The following RBMS1 variants were observed in gnomAD, a reference collection of about 807,000 sequenced individuals.
The protein encoded by RBMS1 is RNA binding motif single stranded interacting protein 1.
A neutral mutation model predicts 62.3 loss-of-function variants in RBMS1; 17 were observed. That is an observed-to-expected ratio of 0.27 (90% CI 0.19 to 0.41). The LOEUF is 0.41. Among genes scored for constraint, RBMS1 ranks in the 10% least tolerant of loss-of-function variants. RBMS1 has a pLI of 1.00. For synonymous variants in RBMS1, 172 were observed against 170.0 expected (o/e 1.01, Z -0.09); for missense variants, 334 against 504.5 (o/e 0.66, Z 3.24).
At chr2:160,493,204 C>T in intron 1 of RBMS1, 85 bp downstream of exon 1, 3 of 1,324,312 alleles carry the variant, frequency 2.3e-6, no homozygotes, top group Admixed American at 2.0e-5. Context: ...GGGGGTTCGC[C>T]GCGCGCCCCC....
rs553396662 is a variant in RBMS1, at chr2:160,308,807, T to C, written c.402+4349A>G. Among the ~76,000 whole-genome samples the C allele has an allele frequency of 3.9e-5, 6 of 152,328 alleles. No homozygotes were observed. The South Asian group carries it at 1.2e-3, about 32-fold the overall frequency. ...CATTTTCAACCTGGGGGAAAGCTAG[T>C]ATTTGAAGAGCGCTGTAGACACGAC... is the stretch of plus-strand genomic sequence containing the variant. On this transcript the variant is annotated intron_variant, in intron 4 of 13. Coordinates refer to ENST00000348849, the MANE Select transcript of RBMS1 (RefSeq NM_016836.4).
In RBMS1 at chr2:160,274,562, G is replaced by T. The variant is rs1687732555; in HGVS notation, c.*210C>A. On this transcript the variant is annotated 3_prime_UTR_variant, in exon 14 of 14. Coordinates refer to ENST00000348849, the MANE Select transcript of RBMS1 (RefSeq NM_016836.4). ...TTTACTAAAATAAACCTGTTCGGGG[G>T]AACAGCTACTAGATGAATTTAAGGG... is the stretch of plus-strand genomic sequence containing the variant. 6.8e-6 allele frequency: 1 copy of T among 147,858 alleles called. No individual in the cohort carries two copies. Among genetic ancestry groups the T allele is most frequent in the Admixed American group, 6.8e-5 (1 of 14,632 alleles). 9.2% of individuals were successfully genotyped at this position (147,858 alleles called of 1,614,324 possible). A position where few individuals can be genotyped will look rare whatever the true frequency, so the allele number is the denominator to read the frequency against.
At chr2:160,378,661 T>G (rs1314278240) in intron 1 of RBMS1, among the ~76,000 whole-genome samples, 1 of 150,012 alleles carries the variant, frequency 6.7e-6, no homozygotes, top group Non-Finnish European at 1.5e-5. Context: ...GTCATAAGAG[T>G]ACACTCAGAG....
chr2:160,407,570 G>A (rs13002343), intron 1 of RBMS1: 4 of 984,208 alleles, frequency 4.1e-6, no homozygotes, highest in Non-Finnish European at 4.8e-6. Flanking sequence ...GCGCGGGCGC[G>A]GGCGCGGGGC....
At position 160,350,446 on chromosome 2, in the gene RBMS1, T is replaced by G. The variant is rs566918915; in HGVS notation, c.251+16770A>C. 2.0e-5 allele frequency among the ~76,000 whole-genome samples: 3 copies of G among 152,028 alleles called. No homozygotes were observed. The East Asian group carries it at 5.8e-4, about 30-fold the overall frequency. ...CTGTGTAATAACAATGAGGTACAAA[T>G]GAACAGCCCTGTAAAGAAATAAAAG... On this transcript the variant is annotated intron_variant, in intron 2 of 13. Transcript: ENST00000348849.
At chr2:160,301,948 C>G (rs1330468221) in intron 5 of RBMS1, among the ~76,000 whole-genome samples, 1 of 152,144 alleles carries the variant, frequency 6.6e-6, no homozygotes, top group Non-Finnish European at 1.5e-5. Context: ...AAAGTCATTA[C>G]TTTAAAATAT....
chr2:160,373,558 C>A (rs997184729), intron 1 of RBMS1, among the ~76,000 whole-genome samples: 1 of 152,184 alleles, frequency 6.6e-6, no homozygotes, highest in Non-Finnish European at 1.5e-5. Context: ...ACTGAGAACT[C>A]TGGGCCAGGA....
chr2:160,484,027 CGG>C (rs1685481879), intron 1 of RBMS1, among the ~76,000 whole-genome samples: 1 of 142,112 alleles, frequency 7.0e-6, no homozygotes, highest in South Asian at 2.2e-4. Flanking sequence ...TTTTAAGAGA[CGG>C]TGTCTCACTA....
At chr2:160,445,054 A>G (rs1559558606) in intron 1 of RBMS1, among the ~76,000 whole-genome samples, 1 of 152,206 alleles carries the variant, frequency 6.6e-6, no homozygotes, top group Non-Finnish European at 1.5e-5. Context: ...GAGACTTCCA[A>G]ATAAGGGGAG....
chr2:160,368,279 G>T (rs998264599), intron 1 of RBMS1, among the ~76,000 whole-genome samples: 1 of 152,192 alleles, frequency 6.6e-6, no homozygotes, highest in African/African-American at 2.4e-5. Context: ...TTCACACCAG[G>T]ACAGGGACGT....
At chr2:160,408,704 T>G (rs1477896137) in intron 1 of RBMS1, 1 of 152,160 alleles carries the variant, frequency 6.6e-6, no homozygotes, top group African/African-American at 2.4e-5. Context: ...TCCCTTTGTT[T>G]CCCGATGTAA....
At chr2:160,352,219 G>A (rs182819764) in intron 2 of RBMS1, among the ~76,000 whole-genome samples, 10 of 152,084 alleles carry the variant, frequency 6.6e-5, no homozygotes, top group African/African-American at 2.4e-4. Flanking sequence ...TCTTCCTGTG[G>A]TTCCTCCTAA....
At position 160,318,202 on chromosome 2, in the gene RBMS1, C is replaced by A; in HGVS notation, c.277G>T (p.Ala93Ser). The change falls in exon 3 of 14, where the codon GCA becomes TCA. Residue 93 changes from alanine (A) to serine (S), a missense_variant. Ala to Ser is a moderately conservative substitution (Grantham distance 99). Coordinates refer to ENST00000348849, the MANE Select transcript of RBMS1 (RefSeq NM_016836.4). ...QPYGKIVSTK[A>S]ILDKTTNKCK... The stretch of plus-strand genomic sequence containing the variant: ...TTGTTCGTTGTCTTATCCAAAATTG[C>A]CTTTGTGGAGACTATTTTCCCATAT... 2.6e-6 allele frequency: 4 copies of A among 1,542,216 alleles called. No individual in the cohort carries two copies. Among genetic ancestry groups the A allele is most frequent in the Non-Finnish European group, 3.5e-6 (4 of 1,152,668 alleles).
At chr2:160,306,151 G>A (rs4558544) in intron 4 of RBMS1, among the ~76,000 whole-genome samples, 112,087 of 151,076 alleles carry the variant, frequency 0.74, 42,389 homozygotes, top group East Asian at 0.83. Context: ...GTGTGTGTGT[G>A]TATACACATA....
intron 5 of RBMS1, among the ~76,000 whole-genome samples, chr2:160,301,847 A>C (rs1371398819): frequency 6.6e-6 from 1 of 152,236 alleles, no homozygotes; most frequent in Non-Finnish European, 1.5e-5. Flanking sequence ...ACATAATAAT[A>C]ATGCTTTGTT....
At chr2:160,335,461 G>A (rs1294215419) in intron 2 of RBMS1, among the ~76,000 whole-genome samples, 1 of 152,174 alleles carries the variant, frequency 6.6e-6, no homozygotes, top group Non-Finnish European at 1.5e-5. Context: ...ATTGTTGTGT[G>A]TAAAAAATGT....
intron 1 of RBMS1, chr2:160,408,002 C>T (rs1695854665): frequency 1.2e-6 from 1 of 843,028 alleles, no homozygotes; most frequent in Non-Finnish European, 1.4e-6. Context: ...GGCGCGGCGC[C>T]TGCCGCCCCA....
At chr2:160,407,941 A>ACCGCCTCGCGCCGCGCCCAGGC in intron 1 of RBMS1, 1 of 978,690 alleles carries the variant, frequency 1.0e-6, no homozygotes, top group Non-Finnish European at 1.2e-6. Context: ...GCGGCAGCGC[A>ACCGCCTCGCGCCGCGCCCAGGC]CCGCCTCGCG....
At chr2:160,326,425 G>C (rs1690931998) in intron 2 of RBMS1, among the ~76,000 whole-genome samples, 1 of 152,136 alleles carries the variant, frequency 6.6e-6, no homozygotes, top group South Asian at 2.1e-4. Flanking sequence ...AGGTCAAGTT[G>C]AGTAAGAAAA....
Sources: allele counts gnomAD v4.1 joint callset (sites outside exome capture counted in the v4.1 genomes callset), GRCh38; gene constraint gnomAD v4.1.1; transcripts MANE v1.5; gene names NCBI Gene and HGNC (gene_info 2026-07-23, HGNC 2026-07-21).